Variants in ARHGAP15 observed in about 807,000 individuals in gnomAD.
The protein encoded by ARHGAP15 is rho GTPase-activating protein 15.
Under a neutral mutation model 63.7 loss-of-function variants are expected in ARHGAP15, and 51 were observed. That is an observed-to-expected ratio of 0.80 (90% confidence interval 0.64 to 1.01). ARHGAP15 has a LOEUF of 1.01. Ranked by LOEUF, ARHGAP15 falls within the 50% of genes least tolerant of loss-of-function variation. The probability of loss-of-function intolerance (pLI) is 0.00; values close to 1 mark genes in which losing one functional copy is unlikely to be tolerated. For missense variants in ARHGAP15, 560 were observed against 564.6 expected (o/e 0.99, Z 0.08); for synonymous variants, 191 against 193.8 (o/e 0.99, Z 0.12).
intron 6 of ARHGAP15, among the ~76,000 whole-genome samples, chr2:143,434,933 G>A (rs561854108): frequency 1.3e-3 from 190 of 151,914 alleles, no homozygotes; most frequent in Non-Finnish European, 1.6e-3. Context: ...CAACTACTTA[G>A]CAGTCTGAGA....
chr2:143,357,908 T>C (rs1190572314), intron 6 of ARHGAP15, among the ~76,000 whole-genome samples: 1 of 152,208 alleles, frequency 6.6e-6, no homozygotes, highest in Non-Finnish European at 1.5e-5. Context: ...TTTCTATCAT[T>C]TGCATAAACC....
chr2:143,264,949 TTC>T (rs71872771), intron 6 of ARHGAP15, among the ~76,000 whole-genome samples: 2,091 of 152,286 alleles, frequency 0.014, 23 homozygotes, highest in Middle Eastern at 0.024. Flanking sequence ...CATGTAGCTT[TTC>T]TGTTACTCAG....
intron 12 of ARHGAP15, chr2:143,676,223 G>A (rs1480829238): frequency 1.3e-5 from 2 of 152,262 alleles, no homozygotes; most frequent in Admixed American, 1.3e-4. Flanking sequence ...TTAAGGGAAT[G>A]TTGTGGCTGC....
Position 143,404,536 on chromosome 2 carries a change from A to G in ARHGAP15, c.475-31065A>G, listed in dbSNP as rs140397066. ...AAAGCATGGGTACTTCTAATTTAAA[A>G]TAAGTATCTGATACTGCATGTGTGG... On this transcript the variant is annotated intron_variant, in intron 6 of 13. Transcript: ENST00000295095. Among the ~76,000 whole-genome samples the G allele has an allele frequency of 3.0e-3, 460 of 152,102 alleles. 1 individual carries two copies. Among genetic ancestry groups the G allele is most frequent in the Non-Finnish European group, 5.6e-3 (379 of 67,916 alleles).
chr2:143,139,170 A>G (rs1689262499), intron 1 of ARHGAP15, among the ~76,000 whole-genome samples: 1 of 152,088 alleles, frequency 6.6e-6, no homozygotes. Context: ...CAGCAGGTTA[A>G]ACTGATTATG....
chr2:143,340,478 G>C (rs1211820990), intron 6 of ARHGAP15, among the ~76,000 whole-genome samples: 1 of 151,134 alleles, frequency 6.6e-6, no homozygotes, highest in Non-Finnish European at 1.5e-5. Context: ...TTCATTTGCT[G>C]TCTATTATAG....
intron 6 of ARHGAP15, among the ~76,000 whole-genome samples, chr2:143,355,009 G>C (rs1051866225): frequency 6.6e-6 from 1 of 152,114 alleles, no homozygotes; most frequent in African/African-American, 2.4e-5. Flanking sequence ...ATCCAACAGG[G>C]TAAATATTTA....
chr2:143,182,734 C>T (rs1691288183), intron 2 of ARHGAP15, among the ~76,000 whole-genome samples: 1 of 152,142 alleles, frequency 6.6e-6, no homozygotes, highest in South Asian at 2.1e-4. Flanking sequence ...CGTGCAACAG[C>T]TGGACTAGGT....
intron 2 of ARHGAP15, among the ~76,000 whole-genome samples, chr2:143,185,214 CT>C (rs1262702000): frequency 2.0e-5 from 3 of 152,140 alleles, no homozygotes; most frequent in Non-Finnish European, 4.4e-5. Context: ...ACCAAGTGCT[CT>C]GCTCATCTGT....
rs1387459811 is a variant in ARHGAP15 at position 143,638,654 on chromosome 2, TAAAAAATAAATA to T, written c.1138+14390_1138+14401del. ...TACCCTAAAACTTAAAGTATAATAATAAAAAATAAATAAATAAAAGAAAAAAAAATATTAAAA... is the reference window on the plus strand; with the variant it reads ...TACCCTAAAACTTAAAGTATAATAATAATAAAAGAAAAAAAAATATTAAAA... On this transcript the variant is annotated intron_variant, in intron 12 of 13. Coordinates refer to ENST00000295095, the MANE Select transcript of ARHGAP15 (RefSeq NM_018460.4). 3.5e-4 allele frequency among the ~76,000 whole-genome samples: 22 copies of T among 62,000 alleles called. No homozygotes were observed. In the South Asian group the frequency reaches 0.011, roughly 30 times the overall value. The allele number at this position is 62,000 out of a possible 152,430, so 40.7% of individuals were successfully genotyped here.
In ARHGAP15 at chr2:143,254,446, C is replaced by T. The variant is rs776156486; in HGVS notation, c.474+3846C>T. 1.4e-3 allele frequency among the ~76,000 whole-genome samples: 217 copies of T among 151,406 alleles called. 4 individuals are homozygous for T. The highest frequency in any genetic ancestry group is 1.9e-3 in the Non-Finnish European group (127 of 67,820). On this transcript the variant is annotated intron_variant, in intron 6 of 13. Coordinates refer to ENST00000295095, the MANE Select transcript of ARHGAP15 (RefSeq NM_018460.4). ...AAAAAAAAACTCTTATATCTTGTTT[C>T]TAAGTTGAAGGAAATTTTTCAGTTA...
At chr2:143,158,378 T>A (rs1690163416) in intron 2 of ARHGAP15, among the ~76,000 whole-genome samples, 1 of 151,902 alleles carries the variant, frequency 6.6e-6, no homozygotes, top group Admixed American at 6.6e-5. Flanking sequence ...AACCCTCAGC[T>A]ATGCAAACGT....
intron 1 of ARHGAP15, among the ~76,000 whole-genome samples, chr2:143,152,515 A>G (rs1182679602): frequency 6.6e-6 from 1 of 151,950 alleles, no homozygotes; most frequent in Non-Finnish European, 1.5e-5. Flanking sequence ...TGCCCTCACC[A>G]AACTCTGGGG....
chr2:143,350,838 C>CAAAAAAAAAA (rs59616405), intron 6 of ARHGAP15: 1 of 57,728 alleles, frequency 1.7e-5, no homozygotes, highest in Admixed American at 2.7e-4. Flanking sequence ...GACTCAGTCT[C>CAAAAAAAAAA]AAAAAAAAAA....
chr2:143,650,758 G>C (rs997409868), intron 12 of ARHGAP15, among the ~76,000 whole-genome samples: 2 of 151,846 alleles, frequency 1.3e-5, no homozygotes, highest in African/African-American at 4.8e-5. Flanking sequence ...GGTTTAATTT[G>C]TTGTATCTAT....
intron 11 of ARHGAP15, among the ~76,000 whole-genome samples, chr2:143,570,780 T>C (rs962460517): frequency 6.6e-6 from 1 of 152,214 alleles, no homozygotes; most frequent in Non-Finnish European, 1.5e-5. Context: ...AAAACAAATA[T>C]TGAAGAAAAG....
chr2:143,601,756 ACTTGCATCTATTTC>A (rs1359230755), intron 11 of ARHGAP15, among the ~76,000 whole-genome samples: 2 of 152,166 alleles, frequency 1.3e-5, no homozygotes, highest in Admixed American at 6.6e-5. Flanking sequence ...ATGTAGCTTA[ACTTGCATCTATTTC>A]CTTTTTATTA....
At chr2:143,516,078 A>C (rs1257663775) in intron 9 of ARHGAP15, among the ~76,000 whole-genome samples, 5 of 152,158 alleles carry the variant, frequency 3.3e-5, no homozygotes, top group Admixed American at 3.3e-4. Flanking sequence ...GCCCCACCAC[A>C]TGCTCCCACA....
intron 1 of ARHGAP15, among the ~76,000 whole-genome samples, chr2:143,154,800 T>C (rs144019283): frequency 6.6e-6 from 1 of 152,086 alleles, no homozygotes; most frequent in East Asian, 1.9e-4. Context: ...CTTTAAAGTG[T>C]GTCCATACTA....
Sources: allele counts gnomAD v4.1 joint callset (sites outside exome capture counted in the v4.1 genomes callset), GRCh38; gene constraint gnomAD v4.1.1; transcripts MANE v1.5; gene names NCBI Gene and HGNC (gene_info 2026-07-23, HGNC 2026-07-21).